The following EML6 variants were observed in gnomAD, a reference collection of about 807,000 sequenced individuals.
EML6 encodes the protein echinoderm microtubule-associated protein-like 6.
Under a neutral mutation model 240.1 loss-of-function variants are expected in EML6, and 154 were observed. The observed-to-expected ratio is 0.64, with a 90% CI of 0.56 to 0.73. The LOEUF (loss-of-function observed/expected upper bound fraction) is 0.73. Ranked by LOEUF, EML6 falls within the 30% of genes least tolerant of loss-of-function variation. EML6 has a pLI of 0.00. For synonymous variants in EML6, 1,148 were observed against 899.0 expected (o/e 1.28, Z -4.95); for missense variants, 2,964 against 2,474.6 (o/e 1.20, Z -4.20).
intron 5 of EML6, among the ~76,000 whole-genome samples, chr2:54,824,989 A>G (rs1668517985): frequency 2.0e-5 from 3 of 152,240 alleles, no homozygotes; most frequent in Admixed American, 2.0e-4. Flanking sequence ...AGAAAATAAC[A>G]TACATTTTAG....
intron 2 of EML6, among the ~76,000 whole-genome samples, chr2:54,764,222 G>C (rs1439157867): frequency 6.6e-6 from 1 of 152,190 alleles, no homozygotes; most frequent in Non-Finnish European, 1.5e-5. Flanking sequence ...TGTAAAATAA[G>C]ATTAAGTCCA....
At chr2:54,964,929 A>T (rs561357428) in intron 38 of EML6, among the ~76,000 whole-genome samples, 196 bp downstream of exon 38, 1 of 152,342 alleles carries the variant, frequency 6.6e-6, no homozygotes, top group East Asian at 1.9e-4. Flanking sequence ...AACGTGGAGG[A>T]AATAGAATTT....
intron 4 of EML6, among the ~76,000 whole-genome samples, chr2:54,817,805 T>TA (rs545717672): frequency 0.066 from 9,641 of 145,756 alleles, 750 homozygotes; most frequent in African/African-American, 0.19. Context: ...AAGGAACTCT[T>TA]AAAAAAAAAA....
intron 2 of EML6, among the ~76,000 whole-genome samples, chr2:54,727,658 A>G (rs1682971108): frequency 6.6e-6 from 1 of 152,210 alleles, no homozygotes; most frequent in Admixed American, 6.5e-5. Flanking sequence ...TTGGTTTTTT[A>G]TTGAATCATT....
chr2:54,941,618 G>A (rs1675431641), intron 28 of EML6, among the ~76,000 whole-genome samples: 1 of 152,252 alleles, frequency 6.6e-6, no homozygotes, highest in Admixed American at 6.5e-5. Flanking sequence ...AATAAATGGG[G>A]AGGAACTTCT....
chr2:54,725,029 G>GGGGGGGC lies in EML6; in HGVS notation c.-24_-18dup. 1 of 1,463,176 alleles carries GGGGGGGC rather than the reference G, an allele frequency of 6.8e-7. No homozygotes were observed. The highest frequency in any genetic ancestry group is 9.0e-7 in the Non-Finnish European group (1 of 1,107,244). The allele number at this position is 1,463,176 out of a possible 1,614,324, so 90.6% of individuals were successfully genotyped here. A position where few individuals can be genotyped will look rare whatever the true frequency, so the allele number is the denominator to read the frequency against. On this transcript the variant is annotated 5_prime_UTR_variant, in exon 2 of 42. Coordinates refer to ENST00000356458, the MANE Select transcript of EML6 (RefSeq NM_001039753.4). The surrounding 1 kb of genome is among the most constrained non-coding windows in gnomAD (Gnocchi z 4.3). ...CTCGGCGAGGACGGCCCCGGCGCGC[G>GGGGGGGC]GGGGGGCGGGGGGCGCGCGGGGTCG...
chr2:54,743,521 T>TA (rs1162812001), intron 2 of EML6, among the ~76,000 whole-genome samples: 1 of 152,226 alleles, frequency 6.6e-6, no homozygotes, highest in African/African-American at 2.4e-5. Context: ...ACATGGCTAG[T>TA]AACCAACAGA....
At chr2:54,851,822 G>A (rs906121124) in intron 10 of EML6, among the ~76,000 whole-genome samples, 1 of 152,170 alleles carries the variant, frequency 6.6e-6, no homozygotes, top group African/African-American at 2.4e-5. Flanking sequence ...ACACAATTCT[G>A]CAGCAGGGTT....
intron 29 of EML6, among the ~76,000 whole-genome samples, 173 bp from the exon 30 acceptor site, chr2:54,950,477 C>T (rs1252613264): frequency 6.6e-6 from 1 of 152,236 alleles, no homozygotes; most frequent in Admixed American, 6.5e-5. Flanking sequence ...AAAGAAGGGG[C>T]TGCATTTTCT....
intron 28 of EML6, among the ~76,000 whole-genome samples, chr2:54,943,000 C>T (rs563458457): frequency 7.2e-5 from 11 of 152,286 alleles, no homozygotes; most frequent in Admixed American, 5.2e-4. Context: ...GGAAGTCCCA[C>T]GTTGGCACAG....
At chr2:54,865,993 T>G (rs1476032850) in intron 13 of EML6, among the ~76,000 whole-genome samples, 1 of 152,214 alleles carries the variant, frequency 6.6e-6, no homozygotes, top group African/African-American at 2.4e-5. Context: ...TAATAATCTT[T>G]AGATTCTAGA....
chr2:54,836,227 A>C (rs553313738), intron 7 of EML6, among the ~76,000 whole-genome samples: 1 of 152,066 alleles, frequency 6.6e-6, no homozygotes, highest in Non-Finnish European at 1.5e-5. Flanking sequence ...GCTTGTAGTA[A>C]TTCCTCTGTA....
At chr2:54,874,320 G>A (rs893379871) in intron 16 of EML6, among the ~76,000 whole-genome samples, 1 of 152,208 alleles carries the variant, frequency 6.6e-6, no homozygotes, top group Non-Finnish European at 1.5e-5. Flanking sequence ...CTTCAGATCA[G>A]TGCCTGGGTA....
Position 54,971,927 on chromosome 2 carries a change from ATG to A in EML6, c.*1835_*1836del, listed in dbSNP as rs771939517. 6 of 152,258 alleles carry A rather than the reference ATG, an allele frequency of 3.9e-5. No homozygotes were observed. The highest frequency in any genetic ancestry group is 1.2e-4 in the African/African-American group (5 of 41,454). The allele number at this position is 152,258 out of a possible 1,614,324, so 9.4% of individuals were successfully genotyped here. On this transcript the variant is annotated 3_prime_UTR_variant, in exon 42 of 42. Coordinates refer to ENST00000356458, the MANE Select transcript of EML6 (RefSeq NM_001039753.4). Reference sequence around the variant, plus strand: ...TCATAAATCCTGCACTGTATGATATATGTGAGTTAAAACATTGGTGCATGAAT... The same window carrying A: ...TCATAAATCCTGCACTGTATGATATATGAGTTAAAACATTGGTGCATGAAT...
At chr2:54,848,931 T>C (rs1423870151) in intron 9 of EML6, among the ~76,000 whole-genome samples, 3 of 152,222 alleles carry the variant, frequency 2.0e-5, no homozygotes, top group Non-Finnish European at 2.9e-5. Flanking sequence ...CTTGCTCTTT[T>C]TGCGACAATA....
At chr2:54,928,180 T>C (rs1674658001) in intron 26 of EML6, 133 bp from the exon 27 acceptor site, 2 of 743,536 alleles carry the variant, frequency 2.7e-6, no homozygotes, top group African/African-American at 1.7e-5. Flanking sequence ...ACATGGAGCT[T>C]ACATTCTAGT....
intron 2 of EML6, among the ~76,000 whole-genome samples, chr2:54,727,857 T>C (rs965985422): frequency 1.3e-5 from 2 of 152,226 alleles, no homozygotes. Context: ...CCAACAAGTA[T>C]TGATAACACA....
intron 2 of EML6, among the ~76,000 whole-genome samples, chr2:54,735,727 G>T (rs1683359017): frequency 6.6e-6 from 1 of 152,198 alleles, no homozygotes; most frequent in Non-Finnish European, 1.5e-5. Flanking sequence ...GAAAAATCAT[G>T]ATTTGCATCC....
At position 54,846,921 on chromosome 2, in the gene EML6, G is replaced by GTTTTTTTTTTTTTTTTT. The variant is rs1558606488; in HGVS notation, c.1050-564_1050-563insTTTTTTTTTTTTTTTTT. The stretch of plus-strand genomic sequence containing the variant: ...TGAAAGTAATATTTTGTATGAAGTA[G>GTTTTTTTTTTTTTTTTT]TATTTTTTTTTTTTTGGAGACAGGG... On this transcript the variant is annotated intron_variant, in intron 8 of 41. Coordinates refer to ENST00000356458, the MANE Select transcript of EML6 (RefSeq NM_001039753.4). Among the ~76,000 whole-genome samples the GTTTTTTTTTTTTTTTTT allele has an allele frequency of 1.1e-4, 9 of 81,192 alleles. No individual in the cohort carries two copies. In the East Asian group the frequency reaches 2.6e-3, roughly 24 times the overall value. 53.3% of individuals were successfully genotyped at this position (81,192 alleles called of 152,430 possible).
Sources: gnomAD v4.1 joint callset for allele counts (sites outside exome capture counted in the v4.1 genomes callset) on GRCh38, gnomAD v4.1.1 for gene constraint, Gnocchi (gnomAD v3.1) non-coding constraint, MANE v1.5 for transcripts, NCBI Gene and HGNC (gene_info 2026-07-23, HGNC 2026-07-21) for gene names.